The following CTNNA3 variants were observed in gnomAD, a reference collection of about 807,000 sequenced individuals.
CTNNA3 encodes the protein catenin alpha 3, also known as catenin alpha-3.
A neutral mutation model predicts 95.7 loss-of-function variants in CTNNA3; 76 were observed. The ratio of observed to expected loss-of-function variants is 0.79; its 90% CI spans 0.66 to 0.96. The LOEUF is 0.96. CTNNA3 is among the 40% of genes least tolerant of loss of function. The pLI is 0.00. For synonymous variants in CTNNA3, 431 were observed against 374.4 expected (o/e 1.15, Z -1.74); for missense variants, 1,191 against 1,089.8 (o/e 1.09, Z -1.31).
chr10:67,340,386 A>T (rs1461566924), intron 5 of CTNNA3, among the ~76,000 whole-genome samples: 9 of 152,252 alleles, frequency 5.9e-5, no homozygotes, highest in Admixed American at 5.9e-4. Flanking sequence ...GTCTTTCCTG[A>T]AGCTCTTTGG....
chr10:67,531,365 T>C (rs772786060), intron 4 of CTNNA3, among the ~76,000 whole-genome samples: 1 of 152,154 alleles, frequency 6.6e-6, no homozygotes, highest in Admixed American at 6.5e-5. Flanking sequence ...CCCAAGACCA[T>C]GGGAACCCAC....
intron 15 of CTNNA3, among the ~76,000 whole-genome samples, chr10:65,996,515 C>T (rs10996814): frequency 0.086 from 13,054 of 152,118 alleles, 1,090 homozygotes; most frequent in African/African-American, 0.22. Context: ...GGGAGAAATG[C>T]AGTCTGGTTT....
At chr10:67,067,969 A>AC (rs1321111448) in intron 7 of CTNNA3, among the ~76,000 whole-genome samples, 2 of 152,194 alleles carry the variant, frequency 1.3e-5, no homozygotes, top group Non-Finnish European at 2.9e-5. Flanking sequence ...TCACAGGGAA[A>AC]CCCACATTTA....
chr10:66,261,954 G>A (rs1057485772), intron 13 of CTNNA3, among the ~76,000 whole-genome samples: 1 of 151,962 alleles, frequency 6.6e-6, no homozygotes, highest in African/African-American at 2.4e-5. Context: ...TGGGGAGATG[G>A]ATTTGAGGTT....
At chr10:66,434,803 T>C (rs1048829905) in intron 11 of CTNNA3, among the ~76,000 whole-genome samples, 1 of 152,182 alleles carries the variant, frequency 6.6e-6, no homozygotes, top group African/African-American at 2.4e-5. Context: ...GCTCTTATTA[T>C]TTTGAGATAT....
chr10:65,951,871 T>C lies in CTNNA3; in HGVS notation c.2400+14741A>G, dbSNP rs964599763. Among the ~76,000 whole-genome samples the C allele has an allele frequency of 3.3e-5, 5 of 151,864 alleles. No homozygotes were observed. In the South Asian group the frequency reaches 1.0e-3, roughly 32 times the overall value. ...GGTGAAACCCCGTCTCTACTAAAAA[T>C]ACAAAAAAATTAGCCGGGCGTGATG... On this transcript the variant is annotated intron_variant, in intron 17 of 17. Transcript: ENST00000433211.
chr10:66,106,136 G>A (rs1282941176), intron 13 of CTNNA3, among the ~76,000 whole-genome samples: 3 of 151,776 alleles, frequency 2.0e-5, no homozygotes, highest in Admixed American at 2.0e-4. Flanking sequence ...GAATCCAGGC[G>A]GCGGAGGTTG....
chr10:66,379,654 GAC>G lies in CTNNA3; in HGVS notation c.1532-304_1532-303del, dbSNP rs566233497. On this transcript the variant is annotated intron_variant, in intron 11 of 17. Transcript: ENST00000433211. ...GACTGACATAGAGGTGGAAATTAAA[GAC>G]AGTTTCTAGATTAAAATGAAAACAA... Among the ~76,000 whole-genome samples, 199 of 152,192 alleles carry G rather than the reference GAC, an allele frequency of 1.3e-3. 2 individuals are homozygous for G. The highest frequency in any genetic ancestry group is 4.4e-3 in the African/African-American group (182 of 41,526).
At chr10:67,485,878 G>A (rs578259549) in intron 5 of CTNNA3, among the ~76,000 whole-genome samples, 2 of 152,256 alleles carry the variant, frequency 1.3e-5, no homozygotes, top group East Asian at 1.9e-4. Context: ...AGCCAACAGT[G>A]ATCATCTGAT....
chr10:67,323,065 GTTGT>G (rs1841389658), intron 5 of CTNNA3, among the ~76,000 whole-genome samples: 1 of 151,850 alleles, frequency 6.6e-6, no homozygotes, highest in African/African-American at 2.4e-5. Flanking sequence ...TTTTAATGGG[GTTGT>G]TTTTTTCTTG....
rs76034442 is a variant in CTNNA3, at chr10:65,926,833, T to C, written c.2401-6216A>G. ...TTCACATTAGGCATTTTTGCAAGTA[T>C]GTAGAGATATTATATTGAGGTTTAA... On this transcript the variant is annotated intron_variant, in intron 17 of 17. Transcript: ENST00000433211. Among the ~76,000 whole-genome samples, 1,201 of 152,282 alleles carry C rather than the reference T, an allele frequency of 7.9e-3. 18 individuals carry two copies. The highest frequency in any genetic ancestry group is 0.027 in the African/African-American group (1,123 of 41,576).
chr10:65,920,761 G>A (rs935085999), intron 17 of CTNNA3, 144 bp from the exon 18 acceptor site: 46 of 804,158 alleles, frequency 5.7e-5, no homozygotes, highest in Non-Finnish European at 8.4e-5. Context: ...AGGAGGCAAA[G>A]GTTGCAGTGA....
chr10:66,598,869 G>A (rs575487357), intron 10 of CTNNA3, among the ~76,000 whole-genome samples: 1 of 151,950 alleles, frequency 6.6e-6, no homozygotes, highest in African/African-American at 2.4e-5. Context: ...AATCCCAGTG[G>A]CATTTTTTAC....
chr10:67,168,789 C>A (rs889878738), intron 7 of CTNNA3, among the ~76,000 whole-genome samples: 4 of 152,052 alleles, frequency 2.6e-5, no homozygotes, highest in Admixed American at 2.6e-4. Context: ...AAAGCAATCA[C>A]GCAAGAGAAA....
chr10:66,956,846 C>T (rs1342739480), intron 7 of CTNNA3, among the ~76,000 whole-genome samples: 1 of 152,188 alleles, frequency 6.6e-6, no homozygotes, highest in Non-Finnish European at 1.5e-5. Flanking sequence ...TTAATCCTAA[C>T]CCTTAGGAGA....
At chr10:67,588,373 A>G (rs1842697019) in intron 3 of CTNNA3, among the ~76,000 whole-genome samples, 1 of 151,966 alleles carries the variant, frequency 6.6e-6, no homozygotes, top group South Asian at 2.1e-4. Flanking sequence ...TTCTTCCTGA[A>G]GCTGTGTCTC....
intron 17 of CTNNA3, among the ~76,000 whole-genome samples, chr10:65,935,187 C>A (rs929660211): frequency 6.6e-6 from 1 of 152,118 alleles, no homozygotes; most frequent in Non-Finnish European, 1.5e-5. Context: ...AACTATATTT[C>A]AACGTATCTT....
intron 5 of CTNNA3, among the ~76,000 whole-genome samples, chr10:67,503,984 C>T (rs191422891): frequency 2.8e-4 from 42 of 150,712 alleles, no homozygotes; most frequent in Admixed American, 1.5e-3. Flanking sequence ...GGTGAAACCC[C>T]GTCTCTACTA....
chr10:66,988,484 A>G (rs1020181459), intron 7 of CTNNA3, among the ~76,000 whole-genome samples: 6 of 152,154 alleles, frequency 3.9e-5, no homozygotes, highest in Non-Finnish European at 8.8e-5. Flanking sequence ...CTGAGTGGAA[A>G]AGCTCCAACT....
Sources: gnomAD v4.1 joint callset for allele counts (sites outside exome capture counted in the v4.1 genomes callset) on GRCh38, gnomAD v4.1.1 for gene constraint, MANE v1.5 for transcripts, NCBI Gene and HGNC (gene_info 2026-07-23, HGNC 2026-07-21) for gene names.